The following RSRC1 variants were observed in gnomAD, a reference collection of about 807,000 sequenced individuals.
RSRC1 encodes the protein arginine and serine rich coiled-coil 1.
In RSRC1, 39 loss-of-function variants were observed where a neutral mutation model predicts 49.1. The ratio of observed to expected loss-of-function variants is 0.79; its 90% CI spans 0.61 to 1.04. The LOEUF (loss-of-function observed/expected upper bound fraction) is 1.04, where lower values mean the gene tolerates loss of function less well. Among genes scored for constraint, RSRC1 ranks in the 50% least tolerant of loss-of-function variants. The pLI, the probability that RSRC1 is intolerant of heterozygous loss-of-function variation, is 0.00. For missense variants in RSRC1, 388 were observed against 402.4 expected, an observed-to-expected ratio of 0.96 and a Z score of 0.31; for synonymous variants, 143 against 130.8, an observed-to-expected ratio of 1.09 and a Z score of -0.63.
At chr3:158,225,589 G>T (rs772678261) in intron 4 of RSRC1, 2 of 367,258 alleles carry the variant, frequency 5.4e-6, no homozygotes, top group Non-Finnish European at 1.1e-5. Context: ...GCAATTAAAA[G>T]TTATAAAGAC....
intron 5 of RSRC1, among the ~76,000 whole-genome samples, chr3:158,329,022 A>G (rs922864678): frequency 6.6e-6 from 1 of 152,118 alleles, no homozygotes; most frequent in Non-Finnish European, 1.5e-5. Flanking sequence ...CTTCCAGTTG[A>G]TCAAATCAGC....
At chr3:158,175,799 C>T (rs1719172406) in intron 3 of RSRC1, among the ~76,000 whole-genome samples, 1 of 152,044 alleles carries the variant, frequency 6.6e-6, no homozygotes, top group Non-Finnish European at 1.5e-5. Flanking sequence ...TTTTTGGAGG[C>T]TTTGTTCATT....
At chr3:158,386,976 A>C (rs531396536) in intron 6 of RSRC1, among the ~76,000 whole-genome samples, 1 of 152,102 alleles carries the variant, frequency 6.6e-6, no homozygotes, top group East Asian at 1.9e-4. Flanking sequence ...AAGAAATTCC[A>C]TGAAGTACAT....
At chr3:158,136,972 G>A (rs1198379747) in intron 3 of RSRC1, 2 of 152,116 alleles carry the variant, frequency 1.3e-5, no homozygotes, top group Non-Finnish European at 2.9e-5. Flanking sequence ...AAATAAATGT[G>A]TGTTTCTATC....
chr3:158,297,588 G>A lies in RSRC1; in HGVS notation c.495-451G>A, dbSNP rs373537765. 9.4e-4 allele frequency among the ~76,000 whole-genome samples: 143 copies of A among 151,890 alleles called. 1 individual carries two copies. The South Asian group carries it at 0.019, about 20-fold the overall frequency. ...ATGTGTACATTCTTTTTATAAAAAC[G>A]CAACCATTGGTGGATGGATATTTGA... On this transcript the variant is annotated intron_variant, in intron 4 of 9. Coordinates refer to ENST00000611884, the MANE Select transcript of RSRC1 (RefSeq NM_001271838.2).
At chr3:158,347,917 G>A (rs1034775582) in intron 5 of RSRC1, among the ~76,000 whole-genome samples, 42 of 152,092 alleles carry the variant, frequency 2.8e-4, no homozygotes, top group African/African-American at 1.0e-3. Flanking sequence ...CGTAGTAGGT[G>A]TATATATTTA....
chr3:158,322,981 CATCTGGGT>C (rs1728849668), intron 5 of RSRC1, among the ~76,000 whole-genome samples: 1 of 152,082 alleles, frequency 6.6e-6, no homozygotes, highest in Non-Finnish European at 1.5e-5. Context: ...CTAAAACAGA[CATCTGGGT>C]TAATTTGGAG....
chr3:158,417,006 A>G (rs1355790916), intron 6 of RSRC1, among the ~76,000 whole-genome samples: 2 of 152,072 alleles, frequency 1.3e-5, no homozygotes, highest in South Asian at 2.1e-4. Flanking sequence ...TTCACTGACT[A>G]TAATAACTGC....
intron 3 of RSRC1, among the ~76,000 whole-genome samples, chr3:158,170,955 T>C (rs1718847797): frequency 6.6e-6 from 1 of 152,110 alleles, no homozygotes; most frequent in South Asian, 2.1e-4. Flanking sequence ...CACAGGTAGC[T>C]CAGACTCCAA....
At chr3:158,379,698 T>C (rs1356562984) in intron 6 of RSRC1, among the ~76,000 whole-genome samples, 2 of 151,908 alleles carry the variant, frequency 1.3e-5, no homozygotes, top group East Asian at 3.9e-4. Context: ...CTGGACACGC[T>C]TCCCCAAATA....
chr3:158,325,854 T>C (rs368668193), intron 5 of RSRC1, among the ~76,000 whole-genome samples: 4 of 152,148 alleles, frequency 2.6e-5, no homozygotes, highest in Admixed American at 6.6e-5. Flanking sequence ...ATTCTTCCTA[T>C]CCATGAGCAT....
rs151032489 is a variant in RSRC1 at position 158,470,641 on chromosome 3, C to T, written c.652+9638C>T. On this transcript the variant is annotated intron_variant, in intron 7 of 9. Transcript: ENST00000611884. The stretch of plus-strand genomic sequence containing the variant: ...TTCAAAGAAAATGGTTTATGTAAAC[C>T]TTGATTGTTTGTGCAAATTTAATAT... Among the ~76,000 whole-genome samples the T allele has an allele frequency of 4.1e-3, 630 of 151,922 alleles. 5 individuals are homozygous for T. Among genetic ancestry groups the T allele is most frequent in the African/African-American group, 0.015 (608 of 41,430 alleles).
chr3:158,327,674 G>A (rs562195511), intron 5 of RSRC1, among the ~76,000 whole-genome samples: 2 of 152,164 alleles, frequency 1.3e-5, no homozygotes, highest in South Asian at 2.1e-4. Flanking sequence ...TTTTGGAATA[G>A]GTGTGGTGTG....
intron 3 of RSRC1, among the ~76,000 whole-genome samples, chr3:158,147,868 C>T (rs1333577254): frequency 6.6e-6 from 1 of 152,046 alleles, no homozygotes; most frequent in African/African-American, 2.4e-5. Flanking sequence ...CTCAAATTAT[C>T]TGTGGTAAAG....
chr3:158,398,318 ATC>A (rs1733714890), intron 6 of RSRC1, among the ~76,000 whole-genome samples: 1 of 152,096 alleles, frequency 6.6e-6, no homozygotes, highest in East Asian at 1.9e-4. Flanking sequence ...TAGGTTCAGT[ATC>A]TGGTGAGGGC....
At chr3:158,468,333 T>C (rs1234864510) in intron 7 of RSRC1, among the ~76,000 whole-genome samples, 8 of 152,236 alleles carry the variant, frequency 5.3e-5, no homozygotes, top group African/African-American at 1.7e-4. Context: ...GGAGACACTT[T>C]TATTGAAAAA....
intron 3 of RSRC1, among the ~76,000 whole-genome samples, chr3:158,131,373 G>A (rs1012213063): frequency 1.3e-5 from 2 of 151,516 alleles, no homozygotes; most frequent in Non-Finnish European, 2.9e-5. Flanking sequence ...TCTTTTTTTG[G>A]TTGTCACTTA....
At chr3:158,304,602 T>G (rs956617307) in intron 5 of RSRC1, among the ~76,000 whole-genome samples, 2 of 152,246 alleles carry the variant, frequency 1.3e-5, no homozygotes, top group African/African-American at 2.4e-5. Context: ...TGCACTGATG[T>G]TACCTATATA....
intron 4 of RSRC1, among the ~76,000 whole-genome samples, chr3:158,242,335 G>A (rs1160388110): frequency 6.6e-6 from 1 of 151,954 alleles, no homozygotes; most frequent in East Asian, 1.9e-4. Context: ...AGTTTGCTGA[G>A]GACAATGACT....
Sources: allele counts gnomAD v4.1 joint callset (sites outside exome capture counted in the v4.1 genomes callset), GRCh38; gene constraint gnomAD v4.1.1; transcripts MANE v1.5; gene names NCBI Gene and HGNC (gene_info 2026-07-23, HGNC 2026-07-21).